PDZRN4: variants seen among roughly 807,000 people sequenced by gnomAD.
The protein encoded by PDZRN4 is PDZ domain containing ring finger 4, also known as PDZ domain-containing RING finger protein 4.
In PDZRN4, 70 loss-of-function variants were observed where a neutral mutation model predicts 99.0. The ratio of observed to expected loss-of-function variants is 0.71; its 90% CI spans 0.58 to 0.86. The LOEUF (loss-of-function observed/expected upper bound fraction) is 0.86, where lower values mean the gene tolerates loss of function less well. Among genes scored for constraint, PDZRN4 ranks in the 40% least tolerant of loss-of-function variants. The pLI, the probability that PDZRN4 is intolerant of heterozygous loss-of-function variation, is 0.00. For synonymous variants in PDZRN4, 551 were observed against 501.6 expected (o/e 1.10, Z -1.32); for missense variants, 1,474 against 1,331.2 (o/e 1.11, Z -1.67).
At chr12:41,321,319 T>C (rs1298972924) in intron 3 of PDZRN4, among the ~76,000 whole-genome samples, 1 of 152,198 alleles carries the variant, frequency 6.6e-6, no homozygotes, top group Non-Finnish European at 1.5e-5. Context: ...AGTTAAGATT[T>C]AGTGGTATAT....
chr12:41,514,127 T>C (rs1400541745), intron 5 of PDZRN4, among the ~76,000 whole-genome samples: 1 of 151,938 alleles, frequency 6.6e-6, no homozygotes, highest in Non-Finnish European at 1.5e-5. Flanking sequence ...GTATTAAAAG[T>C]GGAAAAGAGA....
intron 2 of PDZRN4, among the ~76,000 whole-genome samples, chr12:41,192,512 T>C (rs534270873): frequency 7.7e-4 from 117 of 152,350 alleles, no homozygotes; most frequent in African/African-American, 2.7e-3. Flanking sequence ...TATTGTCCTT[T>C]TGGCAAATTT....
At chr12:41,419,778 A>T (rs2120403907) in intron 3 of PDZRN4, among the ~76,000 whole-genome samples, 1 of 152,304 alleles carries the variant, frequency 6.6e-6, no homozygotes, top group Non-Finnish European at 1.5e-5. Context: ...TGTAATTTTA[A>T]ATCAAACTAG....
At chr12:41,484,632 A>G (rs1937739536) in intron 3 of PDZRN4, among the ~76,000 whole-genome samples, 1 of 152,200 alleles carries the variant, frequency 6.6e-6, no homozygotes, top group African/African-American at 2.4e-5. Context: ...ATTGTTTTCT[A>G]TATTTCCATC....
At chr12:41,334,389 T>TAAAAAAA (rs59977032) in intron 3 of PDZRN4, among the ~76,000 whole-genome samples, 1 of 143,738 alleles carries the variant, frequency 7.0e-6, no homozygotes. Context: ...AATGAAAAGT[T>TAAAAAAA]AAAAAAAAAA....
chr12:41,459,914 G>A, intron 3 of PDZRN4: 1 of 1,252,612 alleles, frequency 8.0e-7, no homozygotes, highest in Non-Finnish European at 1.0e-6. Context: ...CAGCTTTACT[G>A]TTTTGACTGA....
At chr12:41,221,422 T>C (rs1252183204) in intron 3 of PDZRN4, among the ~76,000 whole-genome samples, 1 of 152,078 alleles carries the variant, frequency 6.6e-6, no homozygotes, top group Non-Finnish European at 1.5e-5. Context: ...TCCATATCCT[T>C]ACAGGCAACA....
intron 3 of PDZRN4, among the ~76,000 whole-genome samples, chr12:41,490,303 G>A (rs960954204): frequency 6.6e-6 from 1 of 152,112 alleles, no homozygotes; most frequent in Non-Finnish European, 1.5e-5. Flanking sequence ...GTAGCAAATG[G>A]TGAAACTAGA....
chr12:41,197,611 T>C (rs1443155064), intron 3 of PDZRN4, among the ~76,000 whole-genome samples: 3 of 152,180 alleles, frequency 2.0e-5, no homozygotes, highest in Non-Finnish European at 2.9e-5. Context: ...GAAGATATTG[T>C]TGAAGGCATT....
intron 3 of PDZRN4, among the ~76,000 whole-genome samples, chr12:41,414,635 T>TA (rs1241326171): frequency 3.3e-5 from 5 of 151,902 alleles, no homozygotes; most frequent in African/African-American, 7.3e-5. Flanking sequence ...ATCTTCAAAT[T>TA]AAAAAAATTA....
chr12:41,446,775 G>T (rs1299634007), intron 3 of PDZRN4, among the ~76,000 whole-genome samples: 4 of 151,902 alleles, frequency 2.6e-5, no homozygotes, highest in Non-Finnish European at 5.9e-5. Context: ...ATGAGCAAGG[G>T]GCATCTAAGA....
chr12:41,564,366 C>T (rs1565616687), intron 8 of PDZRN4, among the ~76,000 whole-genome samples: 1 of 152,064 alleles, frequency 6.6e-6, no homozygotes, highest in Non-Finnish European at 1.5e-5. Flanking sequence ...AAAAAAAGTA[C>T]TATTGGGGCT....
chr12:41,495,409 C>T (rs1937978773), intron 3 of PDZRN4, among the ~76,000 whole-genome samples: 1 of 152,042 alleles, frequency 6.6e-6, no homozygotes, highest in African/African-American at 2.4e-5. Context: ...GGAATAGATA[C>T]CGAGGCTGGC....
chr12:41,389,106 A>T (rs1952192339), intron 3 of PDZRN4, among the ~76,000 whole-genome samples: 1 of 152,180 alleles, frequency 6.6e-6, no homozygotes, highest in African/African-American at 2.4e-5. Flanking sequence ...TTAAGATTAT[A>T]TGAAAAAGTA....
intron 3 of PDZRN4, among the ~76,000 whole-genome samples, chr12:41,213,735 G>T (rs1272258468): frequency 5.3e-5 from 8 of 152,038 alleles, no homozygotes; most frequent in Non-Finnish European, 1.2e-4. Context: ...TTTGTGTTTT[G>T]ATTAACCTGT....
chr12:41,481,622 C>A (rs1343082642), intron 3 of PDZRN4, among the ~76,000 whole-genome samples: 10 of 152,242 alleles, frequency 6.6e-5, no homozygotes, highest in South Asian at 2.1e-4. Context: ...AACTTCCCTT[C>A]AAAACAAGCT....
intron 3 of PDZRN4, among the ~76,000 whole-genome samples, chr12:41,404,782 C>T (rs1214341617): frequency 1.3e-5 from 2 of 149,984 alleles, no homozygotes; most frequent in Non-Finnish European, 3.0e-5. Context: ...CAAAATCAGA[C>T]ACATAGACAA....
At chr12:41,329,884 T>C (rs1951731899) in intron 3 of PDZRN4, among the ~76,000 whole-genome samples, 1 of 152,126 alleles carries the variant, frequency 6.6e-6, no homozygotes, top group Non-Finnish European at 1.5e-5. Context: ...TGATCAGACC[T>C]GACACCTAAG....
Position 41,552,685 on chromosome 12 carries a change from A to G in PDZRN4, c.1233A>G (p.Gln411=), listed in dbSNP as rs1268586923. The change falls in exon 6 of 10, where the codon CAA becomes CAG. Residue 411 remains glutamine (Q), a synonymous_variant. Transcript: ENST00000402685. ...TCGAGTTGTGTCGTGTTAGCAGTCA[A>G]GAGAAGCTGGGCCTGACAGTCTGTT... ...EEVELCRVSS[Q]EKLGLTVCYR... The G allele has an allele frequency of 3.1e-6, 5 of 1,613,700 alleles. No homozygotes were observed. In the South Asian group the frequency reaches 5.5e-5, roughly 18 times the overall value.
Sources: allele counts gnomAD v4.1 joint callset (sites outside exome capture counted in the v4.1 genomes callset), GRCh38; gene constraint gnomAD v4.1.1; transcripts MANE v1.5; gene names NCBI Gene and HGNC (gene_info 2026-07-23, HGNC 2026-07-21).